The following GNAO1 variants were observed in gnomAD, a reference collection of about 807,000 sequenced individuals.
GNAO1 encodes the protein guanine nucleotide-binding protein G(o) subunit alpha.
For missense variants in GNAO1, 166 were observed against 478.7 expected, an observed-to-expected ratio of 0.35 and a Z score of 6.10; for synonymous variants, 164 against 180.7, an observed-to-expected ratio of 0.91 and a Z score of 0.74.
intron 2 of GNAO1, chr16:56,235,246 G>A (rs2143409740): frequency 2.2e-6 from 1 of 447,948 alleles, no homozygotes; most frequent in East Asian, 7.0e-5. Context: ...CCCTCTGATT[G>A]CAGGTGGCTC....
At chr16:56,279,231 T>C (rs1045401565) in intron 3 of GNAO1, among the ~76,000 whole-genome samples, 2 of 152,058 alleles carry the variant, frequency 1.3e-5, no homozygotes, top group African/African-American at 2.4e-5. Context: ...GTCCCTGAGT[T>C]CCCCCGGCAG....
chr16:56,344,044 A>G, intron 6 of GNAO1: 2 of 1,546,154 alleles, frequency 1.3e-6, no homozygotes, highest in South Asian at 1.2e-5. Context: ...CACTCTTTGC[A>G]CTTGAGGAAG....
chr16:56,336,403 T>C, intron 5 of GNAO1: 1 of 245,254 alleles, frequency 4.1e-6, no homozygotes, highest in South Asian at 6.2e-5. Flanking sequence ...AGGGTCCTCA[T>C]GCGAGGAGGA....
intron 2 of GNAO1, among the ~76,000 whole-genome samples, chr16:56,261,701 T>C (rs889314018): frequency 2.0e-5 from 3 of 152,088 alleles, no homozygotes; most frequent in African/African-American, 7.2e-5. Flanking sequence ...ACCTCCAGTA[T>C]GGCTTGCTTG....
intron 2 of GNAO1, among the ~76,000 whole-genome samples, chr16:56,251,888 G>GC (rs2143457280): frequency 6.6e-6 from 1 of 152,286 alleles, no homozygotes; most frequent in South Asian, 2.1e-4. Context: ...GAACTGTAAA[G>GC]CACCCCTGTT....
intron 3 of GNAO1, among the ~76,000 whole-genome samples, chr16:56,299,350 A>G (rs1416580423): frequency 6.6e-6 from 1 of 152,234 alleles, no homozygotes; most frequent in African/African-American, 2.4e-5. Flanking sequence ...CTAGGGAGGT[A>G]GGGCCCTGGG....
intron 3 of GNAO1, among the ~76,000 whole-genome samples, chr16:56,277,550 C>T (rs2037071363): frequency 6.6e-6 from 1 of 152,152 alleles, no homozygotes; most frequent in South Asian, 2.1e-4. Context: ...AAAACAGCTA[C>T]CATCTGTTGA....
At chr16:56,224,081 T>C (rs1395356682) in intron 2 of GNAO1, among the ~76,000 whole-genome samples, 2 of 152,164 alleles carry the variant, frequency 1.3e-5, no homozygotes, top group East Asian at 3.9e-4. Flanking sequence ...AGATGGGCAG[T>C]GCAGAGCCCC....
chr16:56,317,920 C>G (rs1567481092), intron 3 of GNAO1, among the ~76,000 whole-genome samples: 1 of 152,180 alleles, frequency 6.6e-6, no homozygotes, highest in Non-Finnish European at 1.5e-5. Context: ...ACCCTGTGAG[C>G]TGAGGACGTT....
At chr16:56,345,470 C>G (rs2037857020) in intron 6 of GNAO1, 1 of 985,522 alleles carries the variant, frequency 1.0e-6, no homozygotes, top group Admixed American at 6.1e-5. Context: ...GCCAACAGCT[C>G]TGGACTTGTT....
intron 3 of GNAO1, among the ~76,000 whole-genome samples, chr16:56,289,733 G>A (rs564083332): frequency 6.6e-6 from 1 of 152,282 alleles, no homozygotes; most frequent in South Asian, 2.1e-4. Flanking sequence ...CTGGCTGACA[G>A]CACTGTTACA....
At chr16:56,213,224 C>G (rs2036406849) in intron 2 of GNAO1, 1 of 398,540 alleles carries the variant, frequency 2.5e-6, no homozygotes, top group East Asian at 3.6e-5. Flanking sequence ...AAAATGCTTT[C>G]CATCGAGGTT....
At chr16:56,248,735 C>CTTTT (rs2036772280) in intron 2 of GNAO1, among the ~76,000 whole-genome samples, 1 of 151,982 alleles carries the variant, frequency 6.6e-6, no homozygotes, top group Admixed American at 6.6e-5. Context: ...GTGCAAAGGC[C>CTTTT]CTGAGGTGGG....
intron 2 of GNAO1, among the ~76,000 whole-genome samples, chr16:56,219,667 A>G (rs1001469359): frequency 1.8e-4 from 28 of 152,178 alleles, no homozygotes; most frequent in African/African-American, 6.5e-4. Flanking sequence ...CAAGACTTGA[A>G]CCCACATCTT....
At chr16:56,339,563 C>T (rs1174973050) in intron 6 of GNAO1, among the ~76,000 whole-genome samples, 6 of 152,222 alleles carry the variant, frequency 3.9e-5, no homozygotes, top group Non-Finnish European at 7.3e-5. Flanking sequence ...TGAGAGCCTG[C>T]AACAAAGGTG....
intron 3 of GNAO1, among the ~76,000 whole-genome samples, chr16:56,278,475 G>A (rs1161964138): frequency 2.0e-5 from 3 of 152,136 alleles, no homozygotes; most frequent in South Asian, 4.2e-4. Context: ...GTGTGGATTC[G>A]CAGCCTGTGG....
intron 3 of GNAO1, among the ~76,000 whole-genome samples, chr16:56,324,489 A>G (rs1329789731): frequency 6.6e-6 from 1 of 152,246 alleles, no homozygotes; most frequent in Admixed American, 6.5e-5. Flanking sequence ...CAGATGGGAA[A>G]GTACCCCAAG....
chr16:56,301,204 G>T, intron 3 of GNAO1: 1 of 152,386 alleles, frequency 6.6e-6, no homozygotes, highest in Non-Finnish European at 1.5e-5. Flanking sequence ...AACAGAGTTT[G>T]GGCTTACGCT....
intron 5 of GNAO1, 54 bp from the exon 6 acceptor site, chr16:56,336,677 A>G: frequency 2.0e-6 from 3 of 1,538,424 alleles, no homozygotes; most frequent in Non-Finnish European, 2.6e-6. Context: ...CTTAATCCCC[A>G]GGCAGCCCTC....
Sources: allele counts gnomAD v4.1 joint callset (sites outside exome capture counted in the v4.1 genomes callset), GRCh38; gene constraint gnomAD v4.1.1; transcripts MANE v1.5; gene names NCBI Gene and HGNC (gene_info 2026-07-23, HGNC 2026-07-21).